The following OR5B3 variants were observed in gnomAD, a reference collection of about 807,000 sequenced individuals.
The protein encoded by OR5B3 is olfactory receptor family 5 subfamily B member 3.
For missense variants in OR5B3, 430 were observed against 375.4 expected (o/e 1.15, Z -1.20); for synonymous variants, 150 against 135.0 (o/e 1.11, Z -0.77).
In OR5B3 at chr11:58,403,219, A is replaced by C. The variant is rs748816713; in HGVS notation, c.191T>G (p.Leu64Trp). The C allele has an allele frequency of 2.5e-6, 4 of 1,613,866 alleles. No individual in the cohort carries two copies. The African/African-American group carries it at 5.3e-5, about 22-fold the overall frequency. Residue 64 changes from leucine to tryptophan, a missense_variant, in exon 2 of 2, where the codon TTG becomes TGG. Physicochemically the swap from Leu to Trp is moderately conservative, Grantham distance 61 (BLOSUM62 -2). Coordinates refer to ENST00000641865, the MANE Select transcript of OR5B3 (RefSeq NM_001005469.2). ...AGAGTAGCAAAAGTCCACTAGAGAC[A>C]AGTTACTGAGAAAAAAGTACATGGG... ...HNPMYFFLSN[L>W]SLVDFCYSSA...
chr11:58,402,714 G>T lies in OR5B3; in HGVS notation c.696C>A (p.Tyr232Ter). 1 of 1,613,328 alleles carries T rather than the reference G, an allele frequency of 6.2e-7. No homozygotes were observed. The highest frequency in any genetic ancestry group is 1.1e-5 in the South Asian group (1 of 91,070). Residue 232 changes from tyrosine (Y) to a stop codon, truncating the protein, a stop_gained, in exon 2 of 2, where the codon TAC becomes TAA. Coordinates refer to ENST00000641865, the MANE Select transcript of OR5B3 (RefSeq NM_001005469.2). LOFTEE classifies it low-confidence loss of function (END_TRUNC). Reference sequence around the variant, plus strand: ...AGGCACAGGTGGACAAAGGCTTCTGGTATACTGAAGCTGAGTGCATCTTTA... The same window carrying T: ...AGGCACAGGTGGACAAAGGCTTCTGTTATACTGAAGCTGAGTGCATCTTTA... ...TILKMHSASVYQKPLSTCASH... is the reference protein window; with the variant it reads ...TILKMHSASV
chr11:58,402,535 T>A lies in OR5B3; in HGVS notation c.875A>T (p.Asn292Ile), dbSNP rs1855041373. ...CTTGAATGCACTCTTCACTTCCTTGTTCCTCAGACTATAGACCAGAGGGTT... is the reference window on the plus strand; with the variant it reads ...CTTGAATGCACTCTTCACTTCCTTGATCCTCAGACTATAGACCAGAGGGTT... ...MLNPLVYSLR[N>I]KEVKSAFKKV... is the part of the protein sequence containing the mutation. Residue 292 changes from asparagine to isoleucine, a missense_variant, in exon 2 of 2, where the codon AAC becomes ATC. Physicochemically the swap from Asn to Ile is moderately radical, Grantham distance 149. Transcript: ENST00000641865. 1 of 1,613,502 alleles carries A rather than the reference T, an allele frequency of 6.2e-7. No homozygotes were observed. Among genetic ancestry groups the A allele is most frequent in the South Asian group, 1.1e-5 (1 of 91,080 alleles).
At position 58,402,527 on chromosome 11, in the gene OR5B3, C is replaced by A; in HGVS notation, c.883G>T (p.Val295Leu). The part of the protein sequence containing the change: ...PLVYSLRNKE[V>L]KSAFKKVVEK... Reference sequence around the variant, plus strand: ...ACAACTTTCTTGAATGCACTCTTCACTTCCTTGTTCCTCAGACTATAGACC... The same window carrying A: ...ACAACTTTCTTGAATGCACTCTTCAATTCCTTGTTCCTCAGACTATAGACC... The change falls in exon 2 of 2, where the codon GTG becomes TTG. Residue 295 changes from valine (V) to leucine (L), a missense_variant. Val to Leu is a conservative substitution (Grantham distance 32). Transcript: ENST00000641865. 1 of 1,613,660 alleles carries A rather than the reference C, an allele frequency of 6.2e-7. No individual in the cohort carries two copies. The highest frequency in any genetic ancestry group is 2.2e-5 in the East Asian group (1 of 44,888).
chr11:58,402,577 A>G lies in OR5B3; in HGVS notation c.833T>C (p.Met278Thr), dbSNP rs202131785. Residue 278 changes from methionine to threonine, a missense_variant, in exon 2 of 2, where the codon ATG becomes ACG. Coordinates refer to ENST00000641865, the MANE Select transcript of OR5B3 (RefSeq NM_001005469.2). ...TDKMAPVFYT[M>T]VIPMLNPLVY... is the part of the protein sequence containing the mutation. ...CAGAGGGTTCAGCATGGGGATGACC[A>G]TTGTATAGAACACAGGTGCCATTTT... The G allele has an allele frequency of 8.1e-6, 13 of 1,613,032 alleles. No homozygotes were observed. In the South Asian group the frequency reaches 9.9e-5, roughly 12 times the overall value.
In OR5B3 at chr11:58,402,714, G is replaced by A. The variant is rs923837008; in HGVS notation, c.696C>T (p.Tyr232=). The change falls in exon 2 of 2, where the codon TAC becomes TAT. Residue 232 remains tyrosine, a synonymous_variant. Coordinates refer to ENST00000641865, the MANE Select transcript of OR5B3 (RefSeq NM_001005469.2). Reference sequence around the variant, plus strand: ...AGGCACAGGTGGACAAAGGCTTCTGGTATACTGAAGCTGAGTGCATCTTTA... The same window carrying A: ...AGGCACAGGTGGACAAAGGCTTCTGATATACTGAAGCTGAGTGCATCTTTA... The part of the protein sequence containing the change: ...TILKMHSASV[Y]QKPLSTCASH... 2.5e-6 allele frequency: 4 copies of A among 1,613,210 alleles called. No homozygotes were observed. In the African/African-American group the frequency reaches 5.3e-5, roughly 22 times the overall value.
intron 1 of OR5B3, among the ~76,000 whole-genome samples, chr11:58,404,223 CG>C (rs1565152611): frequency 6.6e-6 from 1 of 151,608 alleles, no homozygotes; most frequent in African/African-American, 2.4e-5. Flanking sequence ...GAAAGAGTTG[CG>C]TATCAGTCCA....
Position 58,403,089 on chromosome 11 carries a change from A to T in OR5B3, c.321T>A (p.Thr107=). The change falls in exon 2 of 2, where the codon ACT becomes ACA. Residue 107 remains threonine, a synonymous_variant. Coordinates refer to ENST00000641865, the MANE Select transcript of OR5B3 (RefSeq NM_001005469.2). ...TTGAGGCCAAGAGGTAATTTTCCAC[A>T]GTGGCAAAAGCTACAAAGATATACA... ...AQMYIFVAFA[T]VENYLLASMA... 1.9e-6 allele frequency: 3 copies of T among 1,614,158 alleles called. No homozygotes were observed. The highest frequency in any genetic ancestry group is 2.5e-6 in the Non-Finnish European group (3 of 1,179,996).
At chr11:58,406,379 C>T (rs558466587) in intron 1 of OR5B3, among the ~76,000 whole-genome samples, 2 of 152,004 alleles carry the variant, frequency 1.3e-5, no homozygotes, top group African/African-American at 2.4e-5. Flanking sequence ...TAGGTAGATG[C>T]GCTAATAGTA....
chr11:58,403,541 A>G (rs1565152416), intron 1 of OR5B3, 106 bp from the exon 2 acceptor site: 1 of 552,582 alleles, frequency 1.8e-6, no homozygotes, highest in South Asian at 3.6e-5. Flanking sequence ...TTGTACTTCA[A>G]GATTCCCTAG....
In OR5B3 at chr11:58,402,986, G is replaced by T; in HGVS notation, c.424C>A (p.Leu142Met). ...CCACAGAGGTAGGAGCCTATGGCCA[G>T]ACGAGCACACACAGTTGTTGTCATG... ...TTMTTTVCAR[L>M]AIGSYLCGFL... Residue 142 changes from leucine (L) to methionine (M), a missense_variant, in exon 2 of 2, where the codon CTG becomes ATG. Physicochemically the swap from Leu to Met is conservative, Grantham distance 15. Coordinates refer to ENST00000641865, the MANE Select transcript of OR5B3 (RefSeq NM_001005469.2). 6.2e-7 allele frequency: 1 copy of T among 1,614,092 alleles called. No homozygotes were observed. Among genetic ancestry groups the T allele is most frequent in the Non-Finnish European group, 8.5e-7 (1 of 1,179,984 alleles).
intron 1 of OR5B3, among the ~76,000 whole-genome samples, chr11:58,404,132 G>T (rs1437598404): frequency 6.6e-6 from 1 of 152,058 alleles, no homozygotes; most frequent in Non-Finnish European, 1.5e-5. Context: ...TAACAGGGTT[G>T]TTTGGGGCAT....
intron 1 of OR5B3, among the ~76,000 whole-genome samples, chr11:58,405,716 A>G (rs1272412165): frequency 1.3e-5 from 2 of 152,158 alleles, no homozygotes; most frequent in Non-Finnish European, 2.9e-5. Context: ...TTAGCTATGT[A>G]ATAAACCTGC....
rs1015561186 is a variant in OR5B3, at chr11:58,402,659, C to A, written c.751G>T (p.Gly251Trp). 7 of 1,613,892 alleles carry A rather than the reference C, an allele frequency of 4.3e-6. No homozygotes were observed. Among genetic ancestry groups the A allele is most frequent in the Non-Finnish European group, 5.9e-6 (7 of 1,179,934 alleles). The change falls in exon 2 of 2, where the codon GGG becomes TGG. Residue 251 changes from glycine (G) to tryptophan (W), a missense_variant. Transcript: ENST00000641865. ...TGTAAGTACATGAAGATAATAGTCC[C>A]ATAGAAGATGCCGACTGCAATGAAA... ...SHFIAVGIFY[G>W]TIIFMYLQPS...
intron 1 of OR5B3, among the ~76,000 whole-genome samples, chr11:58,403,833 A>G (rs1299509778): frequency 1.3e-5 from 2 of 152,174 alleles, no homozygotes; most frequent in African/African-American, 4.8e-5. Context: ...CCTTTCTACA[A>G]TATTATGTAT....
In OR5B3 at chr11:58,402,846, A is replaced by C. The variant is rs781518542; in HGVS notation, c.564T>G (p.Ser188=). ...GAACAAGCTCGCTAATATGTCTATC[A>C]GAGCAAGAGAGAACCATGACTGCTG... ...DIPAVMVLSC[S]DRHISELVLI... is the part of the protein sequence containing the mutation. The change falls in exon 2 of 2, where the codon TCT becomes TCG. Residue 188 remains serine (S), a synonymous_variant. Transcript: ENST00000641865. The C allele has an allele frequency of 1.9e-6, 3 of 1,613,978 alleles. No individual in the cohort carries two copies. The Admixed American group carries it at 5.0e-5, about 27-fold the overall frequency.
chr11:58,403,370 C>A lies in OR5B3; in HGVS notation c.40G>T (p.Gly14Ter), dbSNP rs749348960. The A allele has an allele frequency of 6.2e-7, 1 of 1,601,862 alleles. No homozygotes were observed. The highest frequency in any genetic ancestry group is 1.7e-5 in the Admixed American group (1 of 58,288). ...KTEVTQFILL[G>*]LTNDSELQVP... Reference sequence around the variant, plus strand: ...TGCAGTTCTGAGTCATTGGTTAGTCCTAGAAGAATGAATTGTGTTACTTCT... The same window carrying A: ...TGCAGTTCTGAGTCATTGGTTAGTCATAGAAGAATGAATTGTGTTACTTCT... The change falls in exon 2 of 2, where the codon GGA (glycine) becomes TGA (stop). Residue 14 changes from glycine to a stop codon, truncating the protein, a stop_gained. Transcript: ENST00000641865. LOFTEE classifies it low-confidence loss of function (END_TRUNC).
Position 58,402,982 on chromosome 11 carries a change from G to T in OR5B3, c.428C>A (p.Ala143Asp). Residue 143 changes from alanine to aspartate, a missense_variant, in exon 2 of 2, where the codon GCC becomes GAC. Transcript: ENST00000641865. ...TMTTTVCARLAIGSYLCGFLN... is the reference protein window; with the variant it reads ...TMTTTVCARLDIGSYLCGFLN... ...GAAACCACAGAGGTAGGAGCCTATG[G>T]CCAGACGAGCACACACAGTTGTTGT... The T allele has an allele frequency of 6.2e-7, 1 of 1,614,092 alleles. No individual in the cohort carries two copies. The highest frequency in any genetic ancestry group is 8.5e-7 in the Non-Finnish European group (1 of 1,179,972).
rs1471738929 is a variant in OR5B3, at chr11:58,406,787, A to G, written c.-27+14T>C. 7 of 152,194 alleles carry G rather than the reference A, an allele frequency of 4.6e-5. No homozygotes were observed. The highest frequency in any genetic ancestry group is 4.6e-4 in the Admixed American group (7 of 15,282). The allele number at this position is 152,194 out of a possible 1,614,324, so 9.4% of individuals were successfully genotyped here. ...CACTTGTCTCTAAAATGTTTCTTAGATATAGAAGCTTACCTTACAGCTGGA... is the reference window on the plus strand; with the variant it reads ...CACTTGTCTCTAAAATGTTTCTTAGGTATAGAAGCTTACCTTACAGCTGGA... On this transcript the variant is annotated intron_variant, in intron 1 of 1. Transcript: ENST00000641865.
rs766867435 is a variant in OR5B3 at position 58,402,832 on chromosome 11, C to T, written c.578G>A (p.Ser193Asn). The change falls in exon 2 of 2, where the codon AGC (serine) becomes AAC (asparagine). Residue 193 changes from serine (S) to asparagine (N), a missense_variant. Transcript: ENST00000641865. The stretch of plus-strand genomic sequence containing the variant: ...CACAACATAAATAAGAACAAGCTCG[C>T]TAATATGTCTATCAGAGCAAGAGAG... ...MVLSCSDRHI[S>N]ELVLIYVVSF... is the part of the protein sequence containing the mutation. The T allele has an allele frequency of 2.4e-5, 38 of 1,613,716 alleles. No individual in the cohort carries two copies. The highest frequency in any genetic ancestry group is 3.1e-5 in the Non-Finnish European group (37 of 1,179,856).
Sources: allele counts gnomAD v4.1 joint callset (sites outside exome capture counted in the v4.1 genomes callset), GRCh38; gene constraint gnomAD v4.1.1; transcripts MANE v1.5; gene names NCBI Gene and HGNC (gene_info 2026-07-23, HGNC 2026-07-21).